The following ENOX1 variants were observed in gnomAD, a reference collection of about 807,000 sequenced individuals.
ENOX1 encodes candidate growth-related and time keeping constitutive hydroquinone (NADH) oxidase.
ENOX1 carries 42 observed loss-of-function variants against 82.5 expected under a neutral mutation model. The observed-to-expected ratio is 0.51, with a 90% CI of 0.40 to 0.66. ENOX1 has a LOEUF of 0.66. ENOX1 is among the 30% of genes least tolerant of loss of function. The pLI, the probability that ENOX1 is intolerant of heterozygous loss-of-function variation, is 0.00. For missense variants in ENOX1, 608 were observed against 811.6 expected, an observed-to-expected ratio of 0.75 and a Z score of 3.05; for synonymous variants, 271 against 282.2, an observed-to-expected ratio of 0.96 and a Z score of 0.40.
chr13:43,639,555 A>G (rs1282735367), intron 2 of ENOX1, among the ~76,000 whole-genome samples: 1 of 152,186 alleles, frequency 6.6e-6, no homozygotes, highest in African/African-American at 2.4e-5. Flanking sequence ...CTCAGTTAGG[A>G]GCAGGCACTT....
intron 2 of ENOX1, among the ~76,000 whole-genome samples, chr13:43,640,790 A>G (rs1242342445): frequency 3.3e-5 from 5 of 152,144 alleles, no homozygotes. Flanking sequence ...CTGACTGAAG[A>G]AAGTGAGATA....
intron 1 of ENOX1, among the ~76,000 whole-genome samples, chr13:43,679,267 T>C (rs1406757576): frequency 6.6e-6 from 1 of 152,176 alleles, no homozygotes; most frequent in Non-Finnish European, 1.5e-5. Context: ...TATGCCATGA[T>C]CATTTCTTCC....
At position 43,311,784 on chromosome 13, in the gene ENOX1, T is replaced by C. The variant is rs550729448; in HGVS notation, c.1261+10600A>G. 2.0e-5 allele frequency among the ~76,000 whole-genome samples: 3 copies of C among 152,368 alleles called. No homozygotes were observed. In the South Asian group the frequency reaches 6.2e-4, roughly 32 times the overall value. ...ACAAAGGATATGGTCCCACACACAT[T>C]GTGAGAATTTACTGAATATTTGTTG... On this transcript the variant is annotated intron_variant, in intron 11 of 16. Coordinates refer to ENST00000690772, the MANE Select transcript of ENOX1 (RefSeq NM_001347969.2).
chr13:43,713,091 G>A (rs1349156001), intron 1 of ENOX1, among the ~76,000 whole-genome samples: 4 of 152,086 alleles, frequency 2.6e-5, no homozygotes, highest in Admixed American at 1.3e-4. Context: ...CGTCCCATCA[G>A]TACCTAATTT....
At chr13:43,620,880 T>C (rs1046473359) in intron 2 of ENOX1, among the ~76,000 whole-genome samples, 1 of 152,188 alleles carries the variant, frequency 6.6e-6, no homozygotes, top group Non-Finnish European at 1.5e-5. Context: ...TTGTTGTCTA[T>C]CTCATTTCTT....
intron 5 of ENOX1, among the ~76,000 whole-genome samples, chr13:43,369,501 C>T (rs745409717): frequency 2.0e-5 from 3 of 152,212 alleles, no homozygotes; most frequent in Admixed American, 6.5e-5. Context: ...TTCATGTCAT[C>T]TCATGTCATC....
intron 2 of ENOX1, among the ~76,000 whole-genome samples, chr13:43,497,166 T>A (rs546609378): frequency 7.3e-4 from 111 of 152,278 alleles, no homozygotes; most frequent in Non-Finnish European, 1.5e-3. Context: ...TTTTTTAGAC[T>A]CCATAGGATT....
chr13:43,755,155 T>C (rs145509947), intron 1 of ENOX1, among the ~76,000 whole-genome samples: 3,881 of 151,734 alleles, frequency 0.026, 59 homozygotes, highest in African/African-American at 0.047. Context: ...CAGAAAAAAA[T>C]CAATGCATGT....
chr13:43,636,506 C>G (rs2096139222), intron 2 of ENOX1, among the ~76,000 whole-genome samples: 1 of 152,200 alleles, frequency 6.6e-6, no homozygotes. Context: ...CCCTGGAAAA[C>G]TCTGTGGCCC....
At chr13:43,496,778 A>G (rs981890548) in intron 2 of ENOX1, among the ~76,000 whole-genome samples, 1 of 152,152 alleles carries the variant, frequency 6.6e-6, no homozygotes, top group Non-Finnish European at 1.5e-5. Flanking sequence ...ATGATAACAT[A>G]TTCTGTTCCA....
intron 16 of ENOX1, among the ~76,000 whole-genome samples, chr13:43,217,765 A>C (rs1023885413): frequency 6.6e-6 from 1 of 152,194 alleles, no homozygotes; most frequent in Non-Finnish European, 1.5e-5. Flanking sequence ...AAAGAAACAC[A>C]GGGAATGCCC....
intron 8 of ENOX1, among the ~76,000 whole-genome samples, chr13:43,345,724 G>T (rs891288961): frequency 1.3e-5 from 2 of 152,174 alleles, no homozygotes; most frequent in Non-Finnish European, 2.9e-5. Flanking sequence ...CAAACCTGAG[G>T]GGAGAAGCTT....
intron 3 of ENOX1, among the ~76,000 whole-genome samples, chr13:43,459,780 T>C (rs2057383498): frequency 6.6e-6 from 1 of 151,866 alleles, no homozygotes; most frequent in African/African-American, 2.4e-5. Context: ...GATCACGAGG[T>C]CAGGAGTCTG....
At chr13:43,292,987 T>C (rs2046086948) in intron 12 of ENOX1, among the ~76,000 whole-genome samples, 1 of 151,430 alleles carries the variant, frequency 6.6e-6, no homozygotes, top group Non-Finnish European at 1.5e-5. Flanking sequence ...CACAGCTGCC[T>C]CCATCACCAC....
chr13:43,406,096 T>C (rs978484123), intron 5 of ENOX1, among the ~76,000 whole-genome samples: 98 of 152,194 alleles, frequency 6.4e-4, no homozygotes, highest in Non-Finnish European at 4.4e-4. Flanking sequence ...CAAATCCCTC[T>C]TCATATCTGG....
chr13:43,626,843 T>G (rs2082986458), intron 2 of ENOX1, among the ~76,000 whole-genome samples: 1 of 151,982 alleles, frequency 6.6e-6, no homozygotes, highest in Non-Finnish European at 1.5e-5. Flanking sequence ...ATATCCTTAC[T>G]GATTTTCTGT....
chr13:43,390,957 C>T (rs2052737024), intron 5 of ENOX1, among the ~76,000 whole-genome samples: 2 of 152,134 alleles, frequency 1.3e-5, no homozygotes, highest in Non-Finnish European at 1.5e-5. Flanking sequence ...TACTACGAAT[C>T]CCTTTTCTTT....
At chr13:43,692,244 T>G (rs2153804382) in intron 1 of ENOX1, among the ~76,000 whole-genome samples, 1 of 152,254 alleles carries the variant, frequency 6.6e-6, no homozygotes. Context: ...ACAGAAAAAA[T>G]AATTTTGGAT....
At chr13:43,244,149 T>C (rs975863197) in intron 14 of ENOX1, among the ~76,000 whole-genome samples, 11 of 150,772 alleles carry the variant, frequency 7.3e-5, no homozygotes, top group Admixed American at 6.0e-4. Context: ...TAGATAACTT[T>C]AGGCAGGGCA....
Sources: allele counts gnomAD v4.1 joint callset (sites outside exome capture counted in the v4.1 genomes callset), GRCh38; gene constraint gnomAD v4.1.1; transcripts MANE v1.5; gene names NCBI Gene and HGNC (gene_info 2026-07-23, HGNC 2026-07-21).